SLIT3: variants seen among roughly 807,000 people sequenced by gnomAD.
SLIT3 encodes slit guidance ligand 3.
SLIT3 carries 68 observed loss-of-function variants against 184.0 expected under a neutral mutation model. The ratio of observed to expected loss-of-function variants is 0.37; its 90% confidence interval spans 0.30 to 0.45. The LOEUF (loss-of-function observed/expected upper bound fraction) is 0.45. Among genes scored for constraint, SLIT3 ranks in the 20% least tolerant of loss-of-function variants. SLIT3 has a pLI of 1.00. For missense variants in SLIT3, 1,707 were observed against 2,026.0 expected (o/e 0.84, Z 3.02); for synonymous variants, 831 against 828.6 (o/e 1.00, Z -0.05).
At chr5:169,125,887 G>A (rs1239641632) in intron 4 of SLIT3, among the ~76,000 whole-genome samples, 2 of 152,162 alleles carry the variant, frequency 1.3e-5, no homozygotes, top group African/African-American at 2.4e-5. Context: ...CTTTCCTCAG[G>A]TAGAGACGAA....
intron 4 of SLIT3, among the ~76,000 whole-genome samples, chr5:168,896,928 C>T (rs1273786205): frequency 2.6e-5 from 4 of 152,136 alleles, no homozygotes; most frequent in African/African-American, 9.7e-5. Context: ...TCAAAGGAGG[C>T]TGGGGTCTGG....
At chr5:169,121,935 T>G (rs1417553933) in intron 4 of SLIT3, among the ~76,000 whole-genome samples, 2 of 152,248 alleles carry the variant, frequency 1.3e-5, no homozygotes, top group African/African-American at 4.8e-5. Context: ...CCAATTTGAC[T>G]GATTTCTCAG....
intron 3 of SLIT3, among the ~76,000 whole-genome samples, chr5:169,213,721 C>T (rs1481786414): frequency 1.3e-5 from 2 of 152,190 alleles, no homozygotes; most frequent in South Asian, 2.1e-4. Flanking sequence ...TATGGTCTCC[C>T]ACTAGAATAT....
intron 4 of SLIT3, among the ~76,000 whole-genome samples, chr5:168,922,653 A>C (rs547353904): frequency 5.9e-5 from 9 of 152,160 alleles, no homozygotes; most frequent in Admixed American, 1.3e-4. Context: ...GGAAAGGGCA[A>C]GGAGCTTCAG....
chr5:169,052,303 G>T (rs546856371), intron 4 of SLIT3, among the ~76,000 whole-genome samples: 1 of 152,220 alleles, frequency 6.6e-6, no homozygotes, highest in Non-Finnish European at 1.5e-5. Context: ...CATATCTACA[G>T]GACGGCCTGT....
At chr5:169,289,340 T>C (rs1767261401) in intron 1 of SLIT3, among the ~76,000 whole-genome samples, 1 of 152,218 alleles carries the variant, frequency 6.6e-6, no homozygotes, top group Non-Finnish European at 1.5e-5. Context: ...AGCAAAGTAC[T>C]AGATAGTCCA....
intron 1 of SLIT3, among the ~76,000 whole-genome samples, chr5:169,252,675 G>T (rs980546731): frequency 6.6e-5 from 10 of 152,110 alleles, no homozygotes; most frequent in African/African-American, 1.4e-4. Flanking sequence ...TCTGTGAATT[G>T]TCTTTTCTTT....
At position 169,274,921 on chromosome 5, in the gene SLIT3, G is replaced by T. The variant is rs555579317; in HGVS notation, c.198-23462C>A. ...TAATAAATAGGTTCAACCTCATAGGGTTGTTGTGAGAATTAAACATGATAA... is the reference window on the plus strand; with the variant it reads ...TAATAAATAGGTTCAACCTCATAGGTTTGTTGTGAGAATTAAACATGATAA... On this transcript the variant is annotated intron_variant, in intron 1 of 35. Coordinates refer to ENST00000519560, the MANE Select transcript of SLIT3 (RefSeq NM_003062.4). Among the ~76,000 whole-genome samples, 3 of 152,310 alleles carry T rather than the reference G, an allele frequency of 2.0e-5. No individual in the cohort carries two copies. The South Asian group carries it at 6.2e-4, about 32-fold the overall frequency.
intron 4 of SLIT3, among the ~76,000 whole-genome samples, chr5:168,998,856 C>A (rs1016377728): frequency 6.6e-6 from 1 of 151,806 alleles, no homozygotes; most frequent in African/African-American, 2.4e-5. Context: ...TACCCCAGTC[C>A]CACTGAATCA....
intron 4 of SLIT3, among the ~76,000 whole-genome samples, chr5:168,895,656 C>A (rs891325638): frequency 6.6e-6 from 1 of 152,162 alleles, no homozygotes; most frequent in Non-Finnish European, 1.5e-5. Context: ...TATAGAATGA[C>A]GTTTCTCATC....
chr5:169,105,598 G>A (rs1344586567), intron 4 of SLIT3, among the ~76,000 whole-genome samples: 3 of 152,168 alleles, frequency 2.0e-5, no homozygotes, highest in East Asian at 1.9e-4. Context: ...ACAATATCCC[G>A]AGGCCATCCC....
At chr5:169,049,769 T>G (rs62379524) in intron 4 of SLIT3, among the ~76,000 whole-genome samples, 5,747 of 152,334 alleles carry the variant, frequency 0.038, 151 homozygotes, top group Middle Eastern at 0.061. Flanking sequence ...CACTTAAATC[T>G]GCTAGACAGA....
intron 4 of SLIT3, among the ~76,000 whole-genome samples, chr5:169,033,280 C>G (rs1225021433): frequency 6.6e-6 from 1 of 152,068 alleles, no homozygotes; most frequent in Admixed American, 6.6e-5. Context: ...GTGGCAAAGG[C>G]AAGATCTTTT....
chr5:169,037,932 A>G (rs1757313768), intron 4 of SLIT3: 1 of 152,256 alleles, frequency 6.6e-6, no homozygotes, highest in Non-Finnish European at 1.5e-5. Flanking sequence ...TTGTTTAACA[A>G]CTTTGTATAA....
At chr5:168,680,343 A>G (rs1033510118) in intron 32 of SLIT3, among the ~76,000 whole-genome samples, 12 of 152,230 alleles carry the variant, frequency 7.9e-5, no homozygotes, top group Non-Finnish European at 1.6e-4. Context: ...GGGGCCTGGA[A>G]TAGAATCTTC....
chr5:168,755,357 G>T (rs1467063931), intron 16 of SLIT3, among the ~76,000 whole-genome samples: 1 of 146,084 alleles, frequency 6.8e-6, no homozygotes. Flanking sequence ...TGCTTAAAGT[G>T]AGCTTGGTCC....
intron 31 of SLIT3, 56 bp from the exon 32 acceptor site, chr5:168,684,152 C>T: frequency 6.9e-7 from 1 of 1,454,750 alleles, no homozygotes; most frequent in South Asian, 1.5e-5. Flanking sequence ...TGAACCTTCC[C>T]TGCCCATCTC....
intron 4 of SLIT3, among the ~76,000 whole-genome samples, chr5:169,127,368 C>A (rs1198402245): frequency 6.6e-6 from 1 of 152,122 alleles, no homozygotes; most frequent in Non-Finnish European, 1.5e-5. Context: ...AGCTGCTAGG[C>A]CCATGAGGCT....
chr5:169,120,804 A>T (rs1299035243), intron 4 of SLIT3, among the ~76,000 whole-genome samples: 1 of 152,100 alleles, frequency 6.6e-6, no homozygotes, highest in Non-Finnish European at 1.5e-5. Flanking sequence ...GGTTTACTTG[A>T]TGGGCCTCTG....
Sources: gnomAD v4.1 joint callset for allele counts (sites outside exome capture counted in the v4.1 genomes callset) on GRCh38, gnomAD v4.1.1 for gene constraint, MANE v1.5 for transcripts, NCBI Gene and HGNC (gene_info 2026-07-23, HGNC 2026-07-21) for gene names.